FGD4: variants seen among roughly 807,000 people sequenced by gnomAD.
The protein encoded by FGD4 is FYVE, RhoGEF and PH domain containing 4.
Under a neutral mutation model 102.0 loss-of-function variants are expected in FGD4, and 42 were observed. The observed-to-expected ratio is 0.41, with a 90% CI of 0.32 to 0.53. FGD4 has a LOEUF of 0.53. Among genes scored for constraint, FGD4 ranks in the 20% least tolerant of loss-of-function variants. The pLI is 0.21. For missense variants in FGD4, 902 were observed against 1,078.2 expected, an observed-to-expected ratio of 0.84 and a Z score of 2.29; for synonymous variants, 380 against 375.7, an observed-to-expected ratio of 1.01 and a Z score of -0.13.
intron 15 of FGD4, among the ~76,000 whole-genome samples, chr12:32,636,080 G>C (rs1950795113): frequency 6.6e-6 from 1 of 150,806 alleles, no homozygotes; most frequent in Non-Finnish European, 1.5e-5. Context: ...TTTGGGGGAG[G>C]ATAACCATTC....
At chr12:32,630,998 A>G (rs1950470905) in intron 14 of FGD4, among the ~76,000 whole-genome samples, 1 of 152,070 alleles carries the variant, frequency 6.6e-6, no homozygotes, top group South Asian at 2.1e-4. Context: ...AAAATAAAAA[A>G]AAAATTATAT....
At chr12:32,555,862 GCCCAGC>G (rs1469035431) in intron 1 of FGD4, among the ~76,000 whole-genome samples, 1 of 151,620 alleles carries the variant, frequency 6.6e-6, no homozygotes. Context: ...GAGCCACTGC[GCCCAGC>G]CGAGACAAGG....
At chr12:32,522,195 A>C in intron 1 of FGD4, among the ~76,000 whole-genome samples, 1 of 152,194 alleles carries the variant, frequency 6.6e-6, no homozygotes, top group East Asian at 1.9e-4. Flanking sequence ...TTATTACTGT[A>C]ATATACTTCT....
chr12:32,463,078 C>T (rs1943150802), intron 1 of FGD4, among the ~76,000 whole-genome samples: 2 of 152,208 alleles, frequency 1.3e-5, no homozygotes, highest in Non-Finnish European at 2.9e-5. Context: ...AAAACTGCTG[C>T]CTCAGATGCT....
At chr12:32,531,024 T>C (rs1941763701) in intron 1 of FGD4, among the ~76,000 whole-genome samples, 1 of 133,762 alleles carries the variant, frequency 7.5e-6, no homozygotes, top group Non-Finnish European at 1.5e-5. Context: ...CGATCGCGGC[T>C]CACTGCAACC....
intron 5 of FGD4, among the ~76,000 whole-genome samples, chr12:32,599,158 T>G (rs1266725312): frequency 6.6e-6 from 1 of 152,202 alleles, no homozygotes; most frequent in African/African-American, 2.4e-5. Flanking sequence ...ACCTTGAGTA[T>G]CATTTCAAAT....
At chr12:32,533,121 G>A (rs545768937) in intron 1 of FGD4, among the ~76,000 whole-genome samples, 1 of 152,256 alleles carries the variant, frequency 6.6e-6, no homozygotes, top group South Asian at 2.1e-4. Context: ...TGCCCCAGTG[G>A]TTCTCAAAGT....
At chr12:32,514,616 A>G (rs997533431) in intron 1 of FGD4, among the ~76,000 whole-genome samples, 1 of 151,968 alleles carries the variant, frequency 6.6e-6, no homozygotes, top group African/African-American at 2.4e-5. Flanking sequence ...GGCTTAAGCA[A>G]TCCTCCTGCC....
chr12:32,609,056 T>C (rs1468679994), intron 8 of FGD4, among the ~76,000 whole-genome samples: 1 of 151,918 alleles, frequency 6.6e-6, no homozygotes, highest in Non-Finnish European at 1.5e-5. Flanking sequence ...TAGAGACGGG[T>C]TTTCACCATG....
chr12:32,450,202 A>T (rs1942735865), intron 1 of FGD4, among the ~76,000 whole-genome samples: 1 of 152,062 alleles, frequency 6.6e-6, no homozygotes, highest in South Asian at 2.1e-4. Flanking sequence ...AACTGCTGGG[A>T]TTACAGGCAT....
chr12:32,428,530 T>A (rs1206188621), intron 1 of FGD4, among the ~76,000 whole-genome samples: 3 of 152,150 alleles, frequency 2.0e-5, no homozygotes, highest in African/African-American at 4.8e-5. Flanking sequence ...GAGAATCTGA[T>A]AATTATGTGT....
chr12:32,547,904 C>T (rs1376186278), intron 1 of FGD4, among the ~76,000 whole-genome samples: 1 of 152,128 alleles, frequency 6.6e-6, no homozygotes, highest in Admixed American at 6.6e-5. Flanking sequence ...CGGGGTTTTA[C>T]CATGTTGGCC....
chr12:32,619,605 C>T, intron 10 of FGD4, 93 bp from the exon 11 acceptor site: 1 of 1,409,288 alleles, frequency 7.1e-7, no homozygotes, highest in Non-Finnish European at 1.0e-6. Flanking sequence ...ACACTCCAGC[C>T]TGGGCAACAG....
intron 1 of FGD4, among the ~76,000 whole-genome samples, chr12:32,530,077 T>C (rs188212692): frequency 5.9e-4 from 90 of 152,240 alleles, no homozygotes; most frequent in African/African-American, 2.1e-3. Context: ...AAGTGCAGGT[T>C]GCCTATAAAA....
chr12:32,557,839 A>G (rs1418199549), intron 1 of FGD4, among the ~76,000 whole-genome samples: 1 of 152,132 alleles, frequency 6.6e-6, no homozygotes, highest in African/African-American at 2.4e-5. Flanking sequence ...TGTTTTAGCT[A>G]GCATATGGGA....
intron 1 of FGD4, chr12:32,534,418 A>C: frequency 6.6e-7 from 1 of 1,518,092 alleles, no homozygotes; most frequent in East Asian, 2.5e-5. Context: ...ATGAACTTTA[A>C]AAGAGTAAAG....
intron 8 of FGD4, among the ~76,000 whole-genome samples, chr12:32,608,886 C>A (rs921655301): frequency 7.9e-5 from 12 of 152,028 alleles, no homozygotes; most frequent in Non-Finnish European, 2.9e-5. Context: ...GGATCCTTAA[C>A]CTTTTCTTTT....
At chr12:32,516,224 G>A (rs546787525) in intron 1 of FGD4, among the ~76,000 whole-genome samples, 1 of 152,286 alleles carries the variant, frequency 6.6e-6, no homozygotes, top group East Asian at 1.9e-4. Flanking sequence ...GGCACAGTCA[G>A]TTTACTGCAG....
intron 1 of FGD4, chr12:32,534,410 G>T: frequency 1.3e-6 from 2 of 1,507,400 alleles, no homozygotes; most frequent in South Asian, 2.5e-5. Flanking sequence ...TTTATCACAT[G>T]AACTTTAAAA....
Sources: allele counts gnomAD v4.1 joint callset (sites outside exome capture counted in the v4.1 genomes callset), GRCh38; gene constraint gnomAD v4.1.1; transcripts MANE v1.5; gene names NCBI Gene and HGNC (gene_info 2026-07-23, HGNC 2026-07-21).